CEP43: variants seen among roughly 807,000 people sequenced by gnomAD.
The protein encoded by CEP43 is centrosomal protein 43.
Under a neutral mutation model 52.6 loss-of-function variants are expected in CEP43, and 36 were observed. The ratio of observed to expected loss-of-function variants is 0.68; its 90% CI spans 0.52 to 0.90. The LOEUF (loss-of-function observed/expected upper bound fraction) is 0.90. Ranked by LOEUF, CEP43 falls within the 40% of genes least tolerant of loss-of-function variation. The pLI, the probability that CEP43 is intolerant of heterozygous loss-of-function variation, is 0.00. For missense variants in CEP43, 506 were observed against 472.8 expected, an observed-to-expected ratio of 1.07 and a Z score of -0.65; for synonymous variants, 192 against 172.4, an observed-to-expected ratio of 1.11 and a Z score of -0.89.
intron 7 of CEP43, among the ~76,000 whole-genome samples, chr6:167,014,742 AT>A (rs1187210016): frequency 5.3e-5 from 8 of 152,214 alleles, no homozygotes; most frequent in Admixed American, 4.6e-4. Context: ...TAAAATAATG[AT>A]TTAGTAAGTT....
chr6:167,025,884 T>A (rs1310799835), intron 9 of CEP43, among the ~76,000 whole-genome samples: 1 of 152,180 alleles, frequency 6.6e-6, no homozygotes, highest in Non-Finnish European at 1.5e-5. Context: ...GTCACTTTAG[T>A]AAGTGAAATA....
At position 167,003,769 on chromosome 6, in the gene CEP43, C is replaced by T. The variant is rs959726985; in HGVS notation, c.258C>T (p.Asn86=). 4 of 1,611,606 alleles carry T rather than the reference C, an allele frequency of 2.5e-6. No homozygotes were observed. Among genetic ancestry groups the T allele is most frequent in the African/African-American group, 2.7e-5 (2 of 74,782 alleles). The change falls in exon 4 of 13, where the codon AAC becomes AAT. Residue 86 remains asparagine (N), a synonymous_variant. Coordinates refer to ENST00000366847, the MANE Select transcript of CEP43 (RefSeq NM_007045.4). ...SLVAEFLQFF[N]LDFTLAVFQP... ...TTGCAGAATTTCTTCAGTTTTTTAA[C>T]CTTGACTTTACTTTGGCTGTTTTTC...
Position 167,015,611 on chromosome 6 carries a change from A to G in CEP43, c.579+2044A>G, listed in dbSNP as rs1780077445. ...CTGGGCATGCGATGCAGGAGGGCCT[A>G]GGGTACCGCTGCTCCCGGAGCTCTG... On this transcript the variant is annotated intron_variant, in intron 7 of 12. Coordinates refer to ENST00000366847, the MANE Select transcript of CEP43 (RefSeq NM_007045.4). Among the ~76,000 whole-genome samples, 3 of 152,176 alleles carry G rather than the reference A, an allele frequency of 2.0e-5. No individual in the cohort carries two copies. In the South Asian group the frequency reaches 6.2e-4, roughly 32 times the overall value.
intron 2 of CEP43, among the ~76,000 whole-genome samples, chr6:167,002,157 T>C (rs1347988487): frequency 2.6e-5 from 4 of 152,188 alleles, no homozygotes; most frequent in Non-Finnish European, 5.9e-5. Flanking sequence ...TCCTTCAAAC[T>C]TTTGACCTTC....
chr6:167,026,451 A>T (rs1009292156), intron 9 of CEP43, 96 bp from the exon 10 acceptor site: 1 of 755,038 alleles, frequency 1.3e-6, no homozygotes, highest in African/African-American at 1.7e-5. Flanking sequence ...TCCTGTCATA[A>T]AGAAGCCCCA....
intron 12 of CEP43, among the ~76,000 whole-genome samples, chr6:167,038,381 C>T (rs1435087715): frequency 6.6e-6 from 1 of 152,172 alleles, no homozygotes; most frequent in African/African-American, 2.4e-5. Flanking sequence ...ATGTTAGAAA[C>T]TTAACGTTCT....
intron 10 of CEP43, among the ~76,000 whole-genome samples, chr6:167,029,875 G>A (rs1230906508): frequency 1.3e-5 from 2 of 152,132 alleles, no homozygotes; most frequent in Admixed American, 6.5e-5. Context: ...GAGGGAAGGG[G>A]TTGGATCTTA....
In CEP43 at chr6:167,044,000, C is replaced by T. The variant is rs1210990516; in HGVS notation, c.*4022C>T. ...GGAAGTTGATGAGATCATTAGCGCC[C>T]TTATAGGAGGCCCGGGAGAGCTGCT... On this transcript the variant is annotated 3_prime_UTR_variant, in exon 13 of 13. Coordinates refer to ENST00000366847, the MANE Select transcript of CEP43 (RefSeq NM_007045.4). 1.3e-5 allele frequency: 2 copies of T among 152,158 alleles called. No homozygotes were observed. Among genetic ancestry groups the T allele is most frequent in the Non-Finnish European group, 2.9e-5 (2 of 68,040 alleles). The allele number at this position is 152,158 out of a possible 1,614,324, so 9.4% of individuals were successfully genotyped here.
In CEP43 at chr6:167,042,219, T is replaced by C. The variant is rs945563556; in HGVS notation, c.*2241T>C. 1.4e-5 allele frequency: 14 copies of C among 1,006,092 alleles called. No individual in the cohort carries two copies. The highest frequency in any genetic ancestry group is 1.7e-5 in the Non-Finnish European group (14 of 841,256). The allele number at this position is 1,006,092 out of a possible 1,614,324, so 62.3% of individuals were successfully genotyped here. On this transcript the variant is annotated 3_prime_UTR_variant, in exon 13 of 13. Transcript: ENST00000366847. ...TTTTTGATTAGGTATTATCAACTTA[T>C]GAAACTTGAAGATGTGAAGTGACAG...
chr6:167,050,781 G>GAAAAAAAAAAAAAAAAA lies in CEP43; in HGVS notation c.*10810_*10826dup, dbSNP rs61698763. On this transcript the variant is annotated 3_prime_UTR_variant, in exon 13 of 13. Coordinates refer to ENST00000366847, the MANE Select transcript of CEP43 (RefSeq NM_007045.4). The stretch of plus-strand genomic sequence containing the variant: ...GGGTGACAGAGTGAGACTCAAAAAA[G>GAAAAAAAAAAAAAAAAA]AAAAAAAAAAAAAAAAAAAAAAAGA... 6.2e-5 allele frequency: 6 copies of GAAAAAAAAAAAAAAAAA among 96,404 alleles called. No homozygotes were observed. Among genetic ancestry groups the GAAAAAAAAAAAAAAAAA allele is most frequent in the Non-Finnish European group, 9.9e-5 (5 of 50,542 alleles). The allele number at this position is 96,404 out of a possible 1,614,324, so 6.0% of individuals were successfully genotyped here. A position where few individuals can be genotyped will look rare whatever the true frequency, so the allele number is the denominator to read the frequency against.
At chr6:167,004,431 A>T in intron 5 of CEP43, 30 bp downstream of exon 5, 2 of 1,551,632 alleles carry the variant, frequency 1.3e-6, no homozygotes, top group Non-Finnish European at 1.7e-6. Flanking sequence ...ATCTTTTTCT[A>T]TTTTAATTAT....
intron 5 of CEP43, among the ~76,000 whole-genome samples, chr6:167,008,174 G>C (rs1779897369): frequency 6.6e-6 from 1 of 150,856 alleles, no homozygotes; most frequent in African/African-American, 2.4e-5. Flanking sequence ...ATTGAACTTT[G>C]GACTTACTAC....
At chr6:167,003,832 A>G (rs922533103) in intron 4 of CEP43, 21 bp downstream of exon 4, 4 of 1,443,150 alleles carry the variant, frequency 2.8e-6, no homozygotes, top group Non-Finnish European at 3.9e-6. Context: ...TGATTTTTAC[A>G]TCTATCTTTT....
intron 6 of CEP43, among the ~76,000 whole-genome samples, chr6:167,012,345 G>A (rs1257418505): frequency 2.0e-5 from 3 of 152,042 alleles, no homozygotes; most frequent in Non-Finnish European, 2.9e-5. Context: ...TCTAGTTGGT[G>A]TAGGGAAGGC....
In CEP43 at chr6:167,050,087, A is replaced by G. The variant is rs1040003870; in HGVS notation, c.*10109A>G. 10 of 152,112 alleles carry G rather than the reference A, an allele frequency of 6.6e-5. No individual in the cohort carries two copies. Among genetic ancestry groups the G allele is most frequent in the African/African-American group, 2.2e-4 (9 of 41,402 alleles). The allele number at this position is 152,112 out of a possible 1,614,324, so 9.4% of individuals were successfully genotyped here. On this transcript the variant is annotated 3_prime_UTR_variant, in exon 13 of 13. Coordinates refer to ENST00000366847, the MANE Select transcript of CEP43 (RefSeq NM_007045.4). Reference sequence around the variant, plus strand: ...TTGACTTGTAATCCCCATAATCTCCATGTGTCAAGGGTGGGACCAGGTGGA... The same window carrying G: ...TTGACTTGTAATCCCCATAATCTCCGTGTGTCAAGGGTGGGACCAGGTGGA...
rs113896539 is a variant in CEP43 at position 167,041,837 on chromosome 6, CGG to C, written c.*1865_*1866del. On this transcript the variant is annotated 3_prime_UTR_variant, in exon 13 of 13. Coordinates refer to ENST00000366847, the MANE Select transcript of CEP43 (RefSeq NM_007045.4). The stretch of plus-strand genomic sequence containing the variant: ...ACATACATCTTTTTTTTGCGGGGGG[CGG>C]GGGGGACAGAGTCTCACTGTGTCAC... The C allele has an allele frequency of 1.0e-4, 4 of 39,120 alleles. No individual in the cohort carries two copies. Among genetic ancestry groups the C allele is most frequent in the Non-Finnish European group, 1.5e-4 (4 of 27,490 alleles). 2.4% of individuals were successfully genotyped at this position (39,120 alleles called of 1,614,324 possible). A position where few individuals can be genotyped will look rare whatever the true frequency, so the allele number is the denominator to read the frequency against.
Position 167,036,065 on chromosome 6 carries a change from C to T in CEP43, c.1125+2094C>T, listed in dbSNP as rs553802132. 1.0e-5 allele frequency: 10 copies of T among 985,128 alleles called. No homozygotes were observed. The South Asian group carries it at 1.4e-4, about 14-fold the overall frequency. 61.0% of individuals were successfully genotyped at this position (985,128 alleles called of 1,614,324 possible). ...GTAGGCACAGATATAGACTTCTTCC[C>T]TCAAATTTATGCAGGATCAGAGAGA... is the stretch of plus-strand genomic sequence containing the variant. On this transcript the variant is annotated intron_variant, in intron 12 of 12. Transcript: ENST00000366847.
In CEP43 at chr6:167,043,461, A is replaced by G. The variant is rs941654193; in HGVS notation, c.*3483A>G. 1.4e-5 allele frequency: 2 copies of G among 145,958 alleles called. No homozygotes were observed. The highest frequency in any genetic ancestry group is 5.1e-5 in the African/African-American group (2 of 38,976). The allele number at this position is 145,958 out of a possible 1,614,324, so 9.0% of individuals were successfully genotyped here. A position where few individuals can be genotyped will look rare whatever the true frequency, so the allele number is the denominator to read the frequency against. ...CATGGGGCGACCTCGGCTCACTGCAACCCCTGCCTTCTGGGTTCAAGTGAT... is the reference window on the plus strand; with the variant it reads ...CATGGGGCGACCTCGGCTCACTGCAGCCCCTGCCTTCTGGGTTCAAGTGAT... On this transcript the variant is annotated 3_prime_UTR_variant, in exon 13 of 13. Coordinates refer to ENST00000366847, the MANE Select transcript of CEP43 (RefSeq NM_007045.4).
At chr6:167,000,219 A>G (rs1779703008) in intron 2 of CEP43, 106 bp downstream of exon 2, 1 of 837,330 alleles carries the variant, frequency 1.2e-6, no homozygotes, top group South Asian at 1.6e-5. Context: ...AGCTAGGGAT[A>G]ATTTTGAACT....
Sources: gnomAD v4.1 joint callset for allele counts (sites outside exome capture counted in the v4.1 genomes callset) on GRCh38, gnomAD v4.1.1 for gene constraint, MANE v1.5 for transcripts, NCBI Gene and HGNC (gene_info 2026-07-23, HGNC 2026-07-21) for gene names.